The following UACA variants were observed in gnomAD, a reference collection of about 807,000 sequenced individuals.
The protein encoded by UACA is nuclear membrane binding protein.
In UACA, 112 loss-of-function variants were observed where a neutral mutation model predicts 160.5. That is an observed-to-expected ratio of 0.70 (90% CI 0.60 to 0.82). The LOEUF (loss-of-function observed/expected upper bound fraction) is 0.82, where lower values mean the gene tolerates loss of function less well. Ranked by LOEUF, UACA falls within the 40% of genes least tolerant of loss-of-function variation. The pLI is 0.00. For synonymous variants in UACA, 557 were observed against 568.4 expected, an observed-to-expected ratio of 0.98 and a Z score of 0.29; for missense variants, 1,574 against 1,614.6, an observed-to-expected ratio of 0.97 and a Z score of 0.43.
chr15:70,663,174 C>G (rs1375605489), intron 17 of UACA, among the ~76,000 whole-genome samples: 1 of 152,138 alleles, frequency 6.6e-6, no homozygotes. Flanking sequence ...AAGAAAAAAA[C>G]AACCCCATCA....
At chr15:70,703,241 T>C in intron 1 of UACA, 1 of 1,288,322 alleles carries the variant, frequency 7.8e-7, no homozygotes, top group Non-Finnish European at 1.0e-6. Flanking sequence ...TAATTTACAC[T>C]TCCTCTAAAA....
upstream of UACA, chr15:70,763,680 A>G: frequency 2.3e-6 from 1 of 434,276 alleles, no homozygotes; most frequent in Non-Finnish European, 3.7e-6. Flanking sequence ...ACTGAGTAAC[A>G]CCCTTCCTCT....
intron 3 of UACA, among the ~76,000 whole-genome samples, chr15:70,692,982 A>T (rs1897993551): frequency 6.6e-6 from 1 of 152,150 alleles, no homozygotes; most frequent in South Asian, 2.1e-4. Flanking sequence ...AATACATTCA[A>T]CCACACCCAA....
intron 1 of UACA, among the ~76,000 whole-genome samples, chr15:70,719,856 T>C (rs750283096): frequency 1.1e-4 from 16 of 152,220 alleles, no homozygotes; most frequent in South Asian, 2.1e-4. Flanking sequence ...TTACCCTTCC[T>C]ACATTTATCC....
chr15:70,713,053 A>G (rs941723911), intron 1 of UACA, among the ~76,000 whole-genome samples: 1 of 152,214 alleles, frequency 6.6e-6, no homozygotes, highest in African/African-American at 2.4e-5. Context: ...ACGTAAGAAT[A>G]GGGAAGGAGA....
At chr15:70,756,662 C>A (rs2030448473) in intron 1 of UACA, among the ~76,000 whole-genome samples, 2 of 152,122 alleles carry the variant, frequency 1.3e-5, no homozygotes, top group Non-Finnish European at 2.9e-5. Context: ...CACCTGAGGT[C>A]AGGAGTTCAA....
chr15:70,710,326 C>T (rs1898645948), intron 1 of UACA, among the ~76,000 whole-genome samples: 1 of 152,104 alleles, frequency 6.6e-6, no homozygotes, highest in Non-Finnish European at 1.5e-5. Context: ...TTTATAATTG[C>T]ATATAAGCAC....
At chr15:70,716,261 C>G (rs1224924086) in intron 1 of UACA, among the ~76,000 whole-genome samples, 1 of 152,136 alleles carries the variant, frequency 6.6e-6, no homozygotes, top group African/African-American at 2.4e-5. Context: ...AGAGCCCAGC[C>G]ACCCAGCCAC....
rs562579004 is a variant in UACA at position 70,726,970 on chromosome 15, C to T, written c.79-27310G>A. On this transcript the variant is annotated intron_variant, in intron 1 of 18. Transcript: ENST00000322954. Reference sequence around the variant, plus strand: ...GATGTGGCCAGTGCTCAGCCATGCACGCTGCTCAGAGCTCTAATCCACATG... The same window carrying T: ...GATGTGGCCAGTGCTCAGCCATGCATGCTGCTCAGAGCTCTAATCCACATG... Among the ~76,000 whole-genome samples the T allele has an allele frequency of 2.2e-4, 33 of 152,238 alleles. No individual in the cohort carries two copies. In the South Asian group the frequency reaches 5.6e-3, roughly 26 times the overall value.
At chr15:70,716,217 A>G in intron 1 of UACA, among the ~76,000 whole-genome samples, 1 of 152,210 alleles carries the variant, frequency 6.6e-6, no homozygotes. Flanking sequence ...TGAACAAGCT[A>G]GCCCCCTTGA....
At chr15:70,708,043 T>C (rs568920418) in intron 1 of UACA, among the ~76,000 whole-genome samples, 26 of 152,292 alleles carry the variant, frequency 1.7e-4, no homozygotes, top group Non-Finnish European at 2.9e-4. Flanking sequence ...GATGGCTGAA[T>C]GGATAAACAA....
chr15:70,758,580 A>C (rs1462507014), intron 1 of UACA: 1 of 152,200 alleles, frequency 6.6e-6, no homozygotes, highest in Non-Finnish European at 1.5e-5. Flanking sequence ...TCAACAACTA[A>C]AACAAAATCA....
chr15:70,772,395 A>C, the UACA span, among the ~76,000 whole-genome samples: 1 of 146,984 alleles, frequency 6.8e-6, no homozygotes, highest in Admixed American at 6.9e-5. Context: ...TGGGAGGCTG[A>C]GGCAGGAGAA....
chr15:70,776,552 C>A, the UACA span, among the ~76,000 whole-genome samples: 3 of 151,808 alleles, frequency 2.0e-5, no homozygotes, highest in African/African-American at 7.3e-5. Flanking sequence ...CTCAGCCTCC[C>A]GAGTAGTTGG....
At chr15:70,711,026 G>A (rs1161278368) in intron 1 of UACA, among the ~76,000 whole-genome samples, 2 of 152,084 alleles carry the variant, frequency 1.3e-5, no homozygotes, top group African/African-American at 4.8e-5. Flanking sequence ...TCCCCATCCT[G>A]AAACTATCTA....
At chr15:70,774,910 C>A in the UACA span, among the ~76,000 whole-genome samples, 3 of 151,978 alleles carry the variant, frequency 2.0e-5, no homozygotes, top group Admixed American at 2.0e-4. Context: ...ATAAAATTAG[C>A]CAGGCATAGT....
At position 70,667,213 on chromosome 15, in the gene UACA, C is replaced by G; in HGVS notation, c.3471G>C (p.Glu1157Asp). The change falls in exon 16 of 19, where the codon GAG becomes GAC. Residue 1157 changes from glutamate to aspartate, a missense_variant. Coordinates refer to ENST00000322954, the MANE Select transcript of UACA (RefSeq NM_018003.4). ...GGGGTACAGAAGAGTTCTTTTGATT[C>G]TCCAACAATTGATGCAGTTTGGTCA... ...QTVTKLHQLL[E>D]NQKNSSVPLA... The G allele has an allele frequency of 1.2e-6, 2 of 1,613,906 alleles. No homozygotes were observed. The highest frequency in any genetic ancestry group is 4.5e-5 in the East Asian group (2 of 44,870).
chr15:70,664,775 C>T lies in UACA; in HGVS notation c.4000G>A (p.Ala1334Thr). 1.9e-6 allele frequency: 3 copies of T among 1,613,288 alleles called. No individual in the cohort carries two copies. Among genetic ancestry groups the T allele is most frequent in the Admixed American group, 1.7e-5 (1 of 59,858 alleles). Residue 1334 changes from alanine (A) to threonine (T), a missense_variant, in exon 17 of 19, where the codon GCA becomes ACA. Physicochemically the swap from Ala to Thr is moderately conservative, Grantham distance 58. Transcript: ENST00000322954. The part of the protein sequence containing the change: ...LLNDVERLKQ[A>T]LNGLSQLTYT... ...GTGAGTTGGGAAAGGCCATTGAGTG[C>T]CTGTTTTAATCTTTCCACATCATTA...
chr15:70,676,335 C>T, intron 13 of UACA, 158 bp downstream of exon 13: 1 of 539,500 alleles, frequency 1.9e-6, no homozygotes, highest in South Asian at 2.9e-5. Context: ...AGACAATCAC[C>T]CCAGTTTTGC....
Sources: allele counts gnomAD v4.1 joint callset (sites outside exome capture counted in the v4.1 genomes callset), GRCh38; gene constraint gnomAD v4.1.1; transcripts MANE v1.5; gene names NCBI Gene and HGNC (gene_info 2026-07-23, HGNC 2026-07-21).